The following ETV1 variants were observed in gnomAD, a reference collection of about 807,000 sequenced individuals.
ETV1 encodes ETS variant transcription factor 1.
Under a neutral mutation model 62.3 loss-of-function variants are expected in ETV1, and 27 were observed. The ratio of observed to expected loss-of-function variants is 0.43; its 90% CI spans 0.32 to 0.60. The LOEUF is 0.60. ETV1 is among the 20% of genes least tolerant of loss of function. The pLI, the probability that ETV1 is intolerant of heterozygous loss-of-function variation, is 0.06. For missense variants in ETV1, 605 were observed against 605.8 expected (o/e 1.00, Z 0.01); for synonymous variants, 222 against 199.6 (o/e 1.11, Z -0.94).
At chr7:13,924,866 A>C (rs994296211) in intron 9 of ETV1, among the ~76,000 whole-genome samples, 1 of 152,186 alleles carries the variant, frequency 6.6e-6, no homozygotes, top group Non-Finnish European at 1.5e-5. Context: ...CAGGATTTAG[A>C]ATTCTATGAA....
chr7:13,935,960 C>A, intron 7 of ETV1, 64 bp from the exon 8 acceptor site: 1 of 1,307,256 alleles, frequency 7.6e-7, no homozygotes, highest in Non-Finnish European at 1.1e-6. Flanking sequence ...AAAAAAGTTT[C>A]TAATCCAAAG....
chr7:13,954,163 A>G (rs553920478), intron 6 of ETV1, among the ~76,000 whole-genome samples: 1 of 152,214 alleles, frequency 6.6e-6, no homozygotes, highest in Non-Finnish European at 1.5e-5. Context: ...CAAGTAGTCC[A>G]ATAAATGTAT....
chr7:13,979,676 T>C (rs1781795304), intron 5 of ETV1, among the ~76,000 whole-genome samples: 1 of 152,146 alleles, frequency 6.6e-6, no homozygotes, highest in African/African-American at 2.4e-5. Context: ...GAGATGCAAA[T>C]ATATCAACCA....
chr7:13,981,229 T>G (rs1781952136), intron 5 of ETV1, among the ~76,000 whole-genome samples: 1 of 152,110 alleles, frequency 6.6e-6, no homozygotes, highest in African/African-American at 2.4e-5. Context: ...GGAAGATGTA[T>G]GAGTCATTCT....
At chr7:13,988,609 A>G in intron 3 of ETV1, 1 of 1,243,644 alleles carries the variant, frequency 8.0e-7, no homozygotes, top group Non-Finnish European at 1.0e-6. Flanking sequence ...AAAAAAAAAA[A>G]GAGAAAATGA....
intron 5 of ETV1, among the ~76,000 whole-genome samples, chr7:13,983,301 G>T (rs1782188155): frequency 6.6e-6 from 1 of 151,968 alleles, no homozygotes; most frequent in East Asian, 1.9e-4. Flanking sequence ...CCTTTAAGTT[G>T]TGTTAGTAGG....
intron 6 of ETV1, among the ~76,000 whole-genome samples, chr7:13,967,415 C>G (rs1358890279): frequency 6.6e-6 from 1 of 152,106 alleles, no homozygotes. Flanking sequence ...AACCATTGCA[C>G]AAAGGTACTT....
At chr7:13,948,996 A>C (rs1375345095) in intron 6 of ETV1, among the ~76,000 whole-genome samples, 1 of 152,222 alleles carries the variant, frequency 6.6e-6, no homozygotes, top group Admixed American at 6.5e-5. Context: ...CTACAAATTT[A>C]TGTGCTTTGA....
chr7:13,899,974 C>G (rs1332881474), intron 13 of ETV1, among the ~76,000 whole-genome samples: 1 of 152,134 alleles, frequency 6.6e-6, no homozygotes, highest in African/African-American at 2.4e-5. Flanking sequence ...TCTAAGAACA[C>G]AAAAATTAGC....
intron 9 of ETV1, among the ~76,000 whole-genome samples, chr7:13,926,964 G>T (rs1463160702): frequency 6.6e-6 from 1 of 152,052 alleles, no homozygotes; most frequent in Admixed American, 6.6e-5. Context: ...ATAACTAATA[G>T]ACCTTCCATT....
chr7:13,977,218 C>T (rs373838000), intron 6 of ETV1, among the ~76,000 whole-genome samples: 12 of 152,132 alleles, frequency 7.9e-5, no homozygotes, highest in East Asian at 3.9e-4. Context: ...AGTTCTCTTC[C>T]GATATACAGA....
intron 6 of ETV1, among the ~76,000 whole-genome samples, chr7:13,941,113 A>C (rs1282972378): frequency 6.6e-6 from 1 of 152,230 alleles, no homozygotes; most frequent in East Asian, 1.9e-4. Flanking sequence ...AAGAATACTC[A>C]TGTGCATTAA....
chr7:13,902,881 G>A (rs1379621545), intron 12 of ETV1, among the ~76,000 whole-genome samples: 2 of 152,134 alleles, frequency 1.3e-5, no homozygotes, highest in African/African-American at 2.4e-5. Context: ...TCAGCATCAT[G>A]GGTATTAGTG....
At chr7:13,906,083 T>A in intron 12 of ETV1, 1 of 177,374 alleles carries the variant, frequency 5.6e-6, no homozygotes, top group Non-Finnish European at 1.2e-5. Context: ...CAGACATCGT[T>A]CCTCTCTCCT....
intron 9 of ETV1, among the ~76,000 whole-genome samples, chr7:13,925,768 C>T (rs1317083437): frequency 6.6e-6 from 1 of 151,830 alleles, no homozygotes; most frequent in Non-Finnish European, 1.5e-5. Context: ...CGGGGTTTCA[C>T]CGTGGTCTTG....
At chr7:13,918,020 A>T (rs1020638261) in intron 9 of ETV1, among the ~76,000 whole-genome samples, 1 of 152,224 alleles carries the variant, frequency 6.6e-6, no homozygotes, top group African/African-American at 2.4e-5. Context: ...AGCTGCCAAA[A>T]TGGGCCACAC....
intron 6 of ETV1, among the ~76,000 whole-genome samples, chr7:13,940,742 A>T (rs1299656628): frequency 6.6e-6 from 1 of 152,226 alleles, no homozygotes; most frequent in African/African-American, 2.4e-5. Context: ...GCATTACAGA[A>T]TTATAAACTT....
chr7:13,897,517 T>C (rs1562579615), intron 13 of ETV1, among the ~76,000 whole-genome samples: 2 of 152,158 alleles, frequency 1.3e-5, no homozygotes, highest in African/African-American at 4.8e-5. Flanking sequence ...GTAGTTTTTA[T>C]GAATTTGGAC....
chr7:13,929,800 C>G (rs113842826), intron 9 of ETV1, among the ~76,000 whole-genome samples: 7 of 152,210 alleles, frequency 4.6e-5, no homozygotes, highest in African/African-American at 1.7e-4. Context: ...CATGCCTCAA[C>G]GGGGCCAATT....
Sources: gnomAD v4.1 joint callset for allele counts (sites outside exome capture counted in the v4.1 genomes callset) on GRCh38, gnomAD v4.1.1 for gene constraint, MANE v1.5 for transcripts, NCBI Gene and HGNC (gene_info 2026-07-23, HGNC 2026-07-21) for gene names.